The following GNE variants were observed in gnomAD, a reference collection of about 807,000 sequenced individuals.
GNE encodes the protein glucosamine (UDP-N-acetyl)-2-epimerase/N-acetylmannosamine kinase.
A neutral mutation model predicts 61.8 loss-of-function variants in GNE; 41 were observed. That is an observed-to-expected ratio of 0.66 (90% CI 0.52 to 0.86). The LOEUF (loss-of-function observed/expected upper bound fraction) is 0.86. GNE is among the 40% of genes least tolerant of loss of function. The probability of loss-of-function intolerance (pLI) is 0.00; values close to 1 mark genes in which losing one functional copy is unlikely to be tolerated. For synonymous variants in GNE, 264 were observed against 326.4 expected, an observed-to-expected ratio of 0.81 and a Z score of 2.06; for missense variants, 608 against 909.1, an observed-to-expected ratio of 0.67 and a Z score of 4.26.
rs147768211 is a variant in GNE at position 36,220,016 on chromosome 9, G to T, written c.1638C>A (p.Ile546=). 1.2e-6 allele frequency: 2 copies of T among 1,613,100 alleles called. No individual in the cohort carries two copies. The highest frequency in any genetic ancestry group is 1.1e-5 in the South Asian group (1 of 91,046). Residue 546 remains isoleucine (I), a synonymous_variant, in exon 10 of 12, where the codon ATC becomes ATA. Transcript: ENST00000642385. ...CATGCTGATGGATAATTCCACCACC[G>T]ATTCCTACAGCGAGGGATAGAAATC... The part of the protein sequence containing the change: ...NFVTLITGTG[I]GGGIIHQHEL...
chr9:36,232,333 C>A (rs1359116137), intron 5 of GNE, among the ~76,000 whole-genome samples: 10 of 102,358 alleles, frequency 9.8e-5, no homozygotes, highest in African/African-American at 3.9e-4. Context: ...TTCTTGCCCC[C>A]CCGCCCCCCC....
chr9:36,217,520 C>T lies in GNE; in HGVS notation c.2014G>A (p.Ala672Thr). ...TTGACAATGTGGATATAGTGACTGG[C>T]CAGGACTCCGGAGAGGATCACAAGG... is the stretch of plus-strand genomic sequence containing the variant. ...PSLVILSGVL[A>T]SHYIHIVKDV... The change falls in exon 12 of 12, where the codon GCC becomes ACC. Residue 672 changes from alanine to threonine, a missense_variant. By Grantham distance (58) the Ala-to-Thr change is moderately conservative. Transcript: ENST00000642385. The T allele has an allele frequency of 6.2e-7, 1 of 1,614,024 alleles. No individual in the cohort carries two copies. The highest frequency in any genetic ancestry group is 8.5e-7 in the Non-Finnish European group (1 of 1,179,892).
At chr9:36,276,002 GT>G (rs1442610071) in intron 1 of GNE, among the ~76,000 whole-genome samples, 2 of 152,078 alleles carry the variant, frequency 1.3e-5, no homozygotes, top group Non-Finnish European at 2.9e-5. Context: ...GCAAGACCTT[GT>G]CTCTACAAAA....
At chr9:36,270,643 G>A (rs1194721964) in intron 1 of GNE, among the ~76,000 whole-genome samples, 3 of 150,842 alleles carry the variant, frequency 2.0e-5, no homozygotes, top group African/African-American at 4.9e-5. Flanking sequence ...TCAGCCTCCC[G>A]AGTAGCTGGG....
At chr9:36,228,209 T>A (rs962935819) in intron 6 of GNE, among the ~76,000 whole-genome samples, 2 of 151,862 alleles carry the variant, frequency 1.3e-5, no homozygotes, top group African/African-American at 4.8e-5. Flanking sequence ...AAATTTTATA[T>A]AAAATAATAT....
intron 1 of GNE, among the ~76,000 whole-genome samples, chr9:36,266,581 C>G (rs1009714916): frequency 8.6e-5 from 13 of 152,044 alleles, no homozygotes; most frequent in Non-Finnish European, 1.2e-4. Context: ...TGAGACCAGC[C>G]TGGTCAACAC....
chr9:36,233,377 A>G (rs1288156721), intron 5 of GNE, among the ~76,000 whole-genome samples: 1 of 152,234 alleles, frequency 6.6e-6, no homozygotes, highest in East Asian at 1.9e-4. Context: ...ATAATTAAAA[A>G]CCACTTAGGC....
chr9:36,232,494 T>A (rs1829215644), intron 5 of GNE, among the ~76,000 whole-genome samples: 1 of 152,182 alleles, frequency 6.6e-6, no homozygotes, highest in Non-Finnish European at 1.5e-5. Context: ...ACATCACCTG[T>A]ATCACTCTGC....
At chr9:36,230,824 G>C (rs1290603303) in intron 5 of GNE, among the ~76,000 whole-genome samples, 1 of 151,898 alleles carries the variant, frequency 6.6e-6, no homozygotes, top group African/African-American at 2.4e-5. Flanking sequence ...CGAACTCCCA[G>C]CCTCAAGCAA....
In GNE at chr9:36,271,864, G is replaced by A. The variant is rs567403778; in HGVS notation, c.51+5030C>T. On this transcript the variant is annotated intron_variant, in intron 1 of 11. Coordinates refer to the GNE transcript ENST00000396594. ...AAATTCCTTGAAGTTAGCCCTGTTT[G>A]GTATGCTTGTCTCCCTCATAGTTCC... 6.2e-4 allele frequency among the ~76,000 whole-genome samples: 95 copies of A among 152,196 alleles called. 1 individual carries two copies. Among genetic ancestry groups the A allele is most frequent in the South Asian group, 2.1e-3 (10 of 4,824 alleles).
chr9:36,275,998 C>T (rs1186467853), intron 1 of GNE, among the ~76,000 whole-genome samples: 2 of 152,072 alleles, frequency 1.3e-5, no homozygotes, highest in Non-Finnish European at 2.9e-5. Context: ...CGCAGCAAGA[C>T]CTTGTCTCTA....
chr9:36,227,150 G>T, intron 7 of GNE, 98 bp downstream of exon 7: 1 of 757,628 alleles, frequency 1.3e-6, no homozygotes, highest in Non-Finnish European at 2.4e-6. Context: ...ACAAGCTCTT[G>T]TGTATGTTTC....
At chr9:36,232,852 A>G (rs751937283) in intron 5 of GNE, among the ~76,000 whole-genome samples, 5 of 152,226 alleles carry the variant, frequency 3.3e-5, no homozygotes. Context: ...GCCAAATCCC[A>G]GTGCCTAGTA....
At chr9:36,260,291 A>AG (rs1830564326), upstream of GNE, among the ~76,000 whole-genome samples, 1 of 151,480 alleles carries the variant, frequency 6.6e-6, no homozygotes, top group Non-Finnish European at 1.5e-5. Flanking sequence ...TAAAAAAAAA[A>AG]AAAAAAAGAA....
chr9:36,228,057 A>G (rs1262600155), intron 6 of GNE, among the ~76,000 whole-genome samples: 3 of 150,646 alleles, frequency 2.0e-5, no homozygotes, highest in Admixed American at 1.3e-4. Flanking sequence ...AAAAACAACC[A>G]ACAATAACAA....
intron 1 of GNE, among the ~76,000 whole-genome samples, chr9:36,272,348 G>A: frequency 6.6e-6 from 1 of 152,080 alleles, no homozygotes; most frequent in East Asian, 1.9e-4. Context: ...ATGGCTGGGT[G>A]TGGTGGCTCA....
At chr9:36,235,384 A>C (rs1017160101) in intron 4 of GNE, among the ~76,000 whole-genome samples, 11 of 152,194 alleles carry the variant, frequency 7.2e-5, no homozygotes, top group African/African-American at 2.4e-4. Context: ...TGATGCCTTG[A>C]TTCTTATTTT....
chr9:36,229,067 T>C lies in GNE; in HGVS notation c.1024A>G (p.Lys342Glu). Reference protein sequence around the residue: ...LHVRDADTQDKILQALHLQFG... With the variant: ...LHVRDADTQDEILQALHLQFG... ...TGAAGGTGCAGTGCTTGCAATATTT[T>C]GTCTTGGGTGTCAGCATCCCGGACA... The change falls in exon 6 of 12, where the codon AAA becomes GAA. Residue 342 changes from lysine to glutamate, a missense_variant. Transcript: ENST00000642385. The C allele has an allele frequency of 1.2e-6, 2 of 1,611,552 alleles. No homozygotes were observed. Among genetic ancestry groups the C allele is most frequent in the Non-Finnish European group, 1.7e-6 (2 of 1,177,710 alleles).
intron 1 of GNE, among the ~76,000 whole-genome samples, chr9:36,253,432 C>T (rs1363956563): frequency 2.0e-5 from 3 of 151,418 alleles, no homozygotes; most frequent in African/African-American, 7.3e-5. Flanking sequence ...CCCGCCACCA[C>T]ACCCACCAAA....
Sources: allele counts gnomAD v4.1 joint callset (sites outside exome capture counted in the v4.1 genomes callset), GRCh38; gene constraint gnomAD v4.1.1; transcripts MANE v1.5; gene names NCBI Gene and HGNC (gene_info 2026-07-23, HGNC 2026-07-21).